Variants in SLC2A9 observed in about 807,000 individuals in gnomAD.
SLC2A9 encodes the protein solute carrier family 2, facilitated glucose transporter member 9.
Under a neutral mutation model 50.6 loss-of-function variants are expected in SLC2A9, and 39 were observed. That is an observed-to-expected ratio of 0.77 (90% CI 0.60 to 1.01). SLC2A9 has a LOEUF of 1.01. Ranked by LOEUF, SLC2A9 falls within the 50% of genes least tolerant of loss-of-function variation. The pLI, the probability that SLC2A9 is intolerant of heterozygous loss-of-function variation, is 0.00. For missense variants in SLC2A9, 686 were observed against 677.6 expected (o/e 1.01, Z -0.14); for synonymous variants, 324 against 276.9 (o/e 1.17, Z -1.69).
chr4:9,791,447 C>A (rs1232460304), intron 3 of SLC2A9, among the ~76,000 whole-genome samples: 1 of 152,102 alleles, frequency 6.6e-6, no homozygotes, highest in South Asian at 2.1e-4. Flanking sequence ...TCAAGAAGTC[C>A]CCACCCCAAT....
At chr4:9,930,857 G>A (rs1745771469) in intron 6 of SLC2A9, among the ~76,000 whole-genome samples, 1 of 152,168 alleles carries the variant, frequency 6.6e-6, no homozygotes, top group Admixed American at 6.5e-5. Context: ...GAGGAGCCAG[G>A]TGACCACCTG....
chr4:9,957,282 C>T (rs565533585), intron 5 of SLC2A9, among the ~76,000 whole-genome samples: 1 of 152,188 alleles, frequency 6.6e-6, no homozygotes, highest in African/African-American at 2.4e-5. Context: ...TAGGCATCTC[C>T]CATTCTTTGG....
At chr4:9,865,310 T>A (rs564282971) in intron 10 of SLC2A9, among the ~76,000 whole-genome samples, 4 of 152,222 alleles carry the variant, frequency 2.6e-5, no homozygotes, top group African/African-American at 9.6e-5. Context: ...TACTTTCCAG[T>A]TCCAAATGCC....
At chr4:9,889,694 A>G (rs561945450) in intron 9 of SLC2A9, among the ~76,000 whole-genome samples, 9 of 152,230 alleles carry the variant, frequency 5.9e-5, no homozygotes, top group Non-Finnish European at 1.2e-4. Context: ...GGTGATCAAA[A>G]TGTGCACCTA....
At chr4:9,984,330 T>A (rs73805442) in intron 4 of SLC2A9, among the ~76,000 whole-genome samples, 103 of 152,252 alleles carry the variant, frequency 6.8e-4, no homozygotes, top group African/African-American at 2.4e-3. Flanking sequence ...CCTGGTACCC[T>A]CAGCTTTTAA....
Position 10,013,554 on chromosome 4 carries a change from C to T in SLC2A9, c.249+5421G>A, listed in dbSNP as rs548282142. ...AAGGGGGTTAGTGATAGCTGCCTTG[C>T]AATATTATAACAAGGATCCAGTGTG... On this transcript the variant is annotated intron_variant, in intron 2 of 11. Transcript: ENST00000264784. Among the ~76,000 whole-genome samples the T allele has an allele frequency of 3.3e-5, 5 of 152,296 alleles. No individual in the cohort carries two copies. The South Asian group carries it at 1.0e-3, about 32-fold the overall frequency.
intron 5 of SLC2A9, among the ~76,000 whole-genome samples, chr4:9,966,510 G>T (rs11726620): frequency 6.6e-6 from 1 of 152,116 alleles, no homozygotes; most frequent in East Asian, 1.9e-4. Context: ...ACAAAAATTA[G>T]CCAGGTGTGG....
intron 7 of SLC2A9, among the ~76,000 whole-genome samples, chr4:9,913,330 T>TGAGAGAGAGAGA: frequency 1.1e-5 from 1 of 88,810 alleles, no homozygotes; most frequent in South Asian, 3.4e-4. Context: ...TGTGTGTGTG[T>TGAGAGAGAGAGA]GAGAGAGAGA....
At chr4:10,039,344 C>G (rs1764204798) in intron 1 of SLC2A9, among the ~76,000 whole-genome samples, 1 of 152,214 alleles carries the variant, frequency 6.6e-6, no homozygotes, top group African/African-American at 2.4e-5. Flanking sequence ...GAATGTCCAT[C>G]TGTGCTCAAC....
chr4:9,783,313 CGAG>C (rs1560113496), intron 3 of SLC2A9: 2 of 1,614,228 alleles, frequency 1.2e-6, no homozygotes, highest in South Asian at 1.1e-5. Context: ...TGGACAACGA[CGAG>C]GAGGAGGGTC....
intron 10 of SLC2A9, among the ~76,000 whole-genome samples, chr4:9,861,372 G>T (rs964668467): frequency 1.5e-4 from 23 of 151,958 alleles, no homozygotes; most frequent in African/African-American, 4.6e-4. Flanking sequence ...GACAGTACAG[G>T]GGGGATGGTG....
At chr4:10,027,192 C>A (rs1763784001) in intron 1 of SLC2A9, among the ~76,000 whole-genome samples, 1 of 152,168 alleles carries the variant, frequency 6.6e-6, no homozygotes. Flanking sequence ...GTGGCTGCAG[C>A]AGCCTCACAG....
At chr4:9,865,227 A>G (rs972971004) in intron 10 of SLC2A9, among the ~76,000 whole-genome samples, 34 of 152,272 alleles carry the variant, frequency 2.2e-4, no homozygotes, top group African/African-American at 8.0e-4. Flanking sequence ...AGGTGCACCT[A>G]TCAGCTAATG....
At chr4:9,782,260 C>G in intron 3 of SLC2A9, 1 of 1,613,856 alleles carries the variant, frequency 6.2e-7, no homozygotes. Flanking sequence ...ACATGACCAA[C>G]GTCTTCATCG....
At chr4:9,786,179 G>A (rs1294388384) in intron 3 of SLC2A9, among the ~76,000 whole-genome samples, 1 of 152,222 alleles carries the variant, frequency 6.6e-6, no homozygotes, top group Non-Finnish European at 1.5e-5. Flanking sequence ...AGCCTGAGCT[G>A]GGTACACACA....
intron 5 of SLC2A9, among the ~76,000 whole-genome samples, chr4:9,968,695 C>T (rs1402243222): frequency 1.3e-5 from 2 of 152,164 alleles, no homozygotes; most frequent in Non-Finnish European, 2.9e-5. Context: ...CATACAAGTA[C>T]TTTTTCATCA....
chr4:9,782,776 C>T (rs376790945), intron 3 of SLC2A9: 2 of 1,613,916 alleles, frequency 1.2e-6, no homozygotes, highest in African/African-American at 2.7e-5. Flanking sequence ...CGCGCATCTA[C>T]CGCATCGCCC....
intron 6 of SLC2A9, among the ~76,000 whole-genome samples, chr4:9,939,395 G>A (rs1355947652): frequency 6.6e-6 from 1 of 152,210 alleles, no homozygotes; most frequent in East Asian, 1.9e-4. Context: ...TACAGTAATA[G>A]TTGACTAACA....
At chr4:9,857,474 C>T (rs1415882610) in intron 10 of SLC2A9, among the ~76,000 whole-genome samples, 1 of 152,220 alleles carries the variant, frequency 6.6e-6, no homozygotes, top group African/African-American at 2.4e-5. Context: ...GTTCTTTACT[C>T]CATCTTCCCT....
Sources: allele counts gnomAD v4.1 joint callset (sites outside exome capture counted in the v4.1 genomes callset), GRCh38; gene constraint gnomAD v4.1.1; transcripts MANE v1.5; gene names NCBI Gene and HGNC (gene_info 2026-07-23, HGNC 2026-07-21).